Variants in PARVA observed in about 807,000 individuals in gnomAD.
PARVA encodes the protein alpha-parvin.
A neutral mutation model predicts 52.6 loss-of-function variants in PARVA; 25 were observed. The ratio of observed to expected loss-of-function variants is 0.48; its 90% CI spans 0.35 to 0.66. PARVA has a LOEUF of 0.66. Among genes scored for constraint, PARVA ranks in the 30% least tolerant of loss-of-function variants. The pLI is 0.01. For synonymous variants in PARVA, 185 were observed against 179.1 expected, an observed-to-expected ratio of 1.03 and a Z score of -0.26; for missense variants, 373 against 450.9, an observed-to-expected ratio of 0.83 and a Z score of 1.56.
In PARVA at chr11:12,476,942, C is replaced by A. The variant is rs1941021944; in HGVS notation, c.298-905C>A. Among the ~76,000 whole-genome samples the A allele has an allele frequency of 2.0e-5, 3 of 152,286 alleles. No individual in the cohort carries two copies. In the South Asian group the frequency reaches 6.2e-4, roughly 32 times the overall value. On this transcript the variant is annotated intron_variant, in intron 3 of 12. Coordinates refer to ENST00000334956, the MANE Select transcript of PARVA (RefSeq NM_018222.5). ...ATAAGAAATTGGAGAAATGTCAAAA[C>A]TGTAGTGGTTCCCCCAGGCCTGTGG... is the stretch of plus-strand genomic sequence containing the variant.
intron 1 of PARVA, among the ~76,000 whole-genome samples, chr11:12,430,883 T>C (rs1001856046): frequency 2.0e-5 from 3 of 152,282 alleles, no homozygotes; most frequent in Middle Eastern, 3.4e-3. Context: ...CCCTCAACCA[T>C]GCCACAACAA....
chr11:12,451,417 T>C (rs1246668758), intron 1 of PARVA, among the ~76,000 whole-genome samples: 1 of 152,096 alleles, frequency 6.6e-6, no homozygotes, highest in Non-Finnish European at 1.5e-5. Context: ...CCTAATGAAA[T>C]TTGATGACAC....
At position 12,424,150 on chromosome 11, in the gene PARVA, T is replaced by C. The variant is rs139795730; in HGVS notation, c.136+46367T>C. ...TATAATTGTATTATTTTTATCTCAC[T>C]AGATATTTATCTAGATATATAAATT... On this transcript the variant is annotated intron_variant, in intron 1 of 12. Coordinates refer to ENST00000334956, the MANE Select transcript of PARVA (RefSeq NM_018222.5). Among the ~76,000 whole-genome samples, 901 of 152,324 alleles carry C rather than the reference T, an allele frequency of 5.9e-3. 11 individuals carry two copies. Among genetic ancestry groups the C allele is most frequent in the African/African-American group, 0.02 (846 of 41,578 alleles).
At chr11:12,504,658 G>C (rs760775576) in intron 6 of PARVA, among the ~76,000 whole-genome samples, 6 of 152,044 alleles carry the variant, frequency 3.9e-5, no homozygotes, top group Non-Finnish European at 7.4e-5. Context: ...AGCTTTGTGT[G>C]GGGTATGTGC....
At chr11:12,428,591 T>C (rs954957409) in intron 1 of PARVA, among the ~76,000 whole-genome samples, 1 of 152,212 alleles carries the variant, frequency 6.6e-6, no homozygotes, top group South Asian at 2.1e-4. Flanking sequence ...TGGTCCTCAG[T>C]AAACTCTGGC....
At chr11:12,511,700 A>G in intron 8 of PARVA, among the ~76,000 whole-genome samples, 167 bp downstream of exon 8, 1 of 151,772 alleles carries the variant, frequency 6.6e-6, no homozygotes, top group East Asian at 1.9e-4. Flanking sequence ...ACTGGCGGGA[A>G]GAAGACTACC....
chr11:12,501,821 T>C (rs1001612249), intron 5 of PARVA, among the ~76,000 whole-genome samples: 5 of 152,226 alleles, frequency 3.3e-5, no homozygotes, highest in Non-Finnish European at 7.3e-5. Context: ...TATATGATGC[T>C]TATGGTATAG....
intron 4 of PARVA, among the ~76,000 whole-genome samples, chr11:12,492,448 A>G (rs1941245362): frequency 6.6e-6 from 1 of 152,182 alleles, no homozygotes; most frequent in African/African-American, 2.4e-5. Flanking sequence ...AGAAAACTTT[A>G]TGGAGCTAGC....
intron 1 of PARVA, among the ~76,000 whole-genome samples, chr11:12,397,791 C>A (rs1421448293): frequency 6.6e-6 from 1 of 151,564 alleles, no homozygotes; most frequent in Non-Finnish European, 1.5e-5. Context: ...ACTCCCAAGT[C>A]CCCTGCCCCC....
At chr11:12,405,747 A>G (rs919778189) in intron 1 of PARVA, among the ~76,000 whole-genome samples, 1 of 152,196 alleles carries the variant, frequency 6.6e-6, no homozygotes, top group African/African-American at 2.4e-5. Context: ...ACTTAAGGTC[A>G]GGAATTTGAG....
chr11:12,409,111 AT>A (rs1939955974), intron 1 of PARVA, among the ~76,000 whole-genome samples: 2 of 152,236 alleles, frequency 1.3e-5, no homozygotes, highest in African/African-American at 4.8e-5. Context: ...CTAAGGACAT[AT>A]GGAAAGTCAT....
intron 4 of PARVA, among the ~76,000 whole-genome samples, chr11:12,484,460 T>G (rs7101596): frequency 0.54 from 81,155 of 151,510 alleles, 22,824 homozygotes; most frequent in East Asian, 0.8. Flanking sequence ...AGACCAAAAG[T>G]TTCCCTGTGG....
chr11:12,449,355 C>T (rs1940593142), intron 1 of PARVA, among the ~76,000 whole-genome samples: 1 of 151,904 alleles, frequency 6.6e-6, no homozygotes, highest in Non-Finnish European at 1.5e-5. Flanking sequence ...CAGGGTTTTG[C>T]CATGTTGGAT....
chr11:12,456,588 C>T (rs1488147869), intron 1 of PARVA, among the ~76,000 whole-genome samples: 1 of 152,038 alleles, frequency 6.6e-6, no homozygotes, highest in Non-Finnish European at 1.5e-5. Context: ...CCTGACTTAA[C>T]TCTCTAAGGG....
intron 4 of PARVA, among the ~76,000 whole-genome samples, chr11:12,486,059 A>G (rs1228969932): frequency 6.6e-6 from 1 of 152,190 alleles, no homozygotes; most frequent in Non-Finnish European, 1.5e-5. Flanking sequence ...GTGAATCCAG[A>G]TAAGATATAG....
intron 6 of PARVA, among the ~76,000 whole-genome samples, chr11:12,506,701 C>A (rs1941435144): frequency 6.6e-6 from 1 of 152,182 alleles, no homozygotes; most frequent in African/African-American, 2.4e-5. Flanking sequence ...GGCATTAATG[C>A]ACATCAGGTT....
chr11:12,432,516 G>A lies in PARVA; in HGVS notation c.137-41229G>A, dbSNP rs369964582. ...TCTCCCAATGGCTCTGCCGTTAACC[G>A]TTCACCTCTTGTCTTTGTGAATCCA... On this transcript the variant is annotated intron_variant, in intron 1 of 12. Coordinates refer to ENST00000334956, the MANE Select transcript of PARVA (RefSeq NM_018222.5). Among the ~76,000 whole-genome samples, 5 of 152,312 alleles carry A rather than the reference G, an allele frequency of 3.3e-5. No homozygotes were observed. The South Asian group carries it at 6.2e-4, about 19-fold the overall frequency.
Position 12,518,492 on chromosome 11 carries a change from G to T in PARVA, c.1017G>T (p.Leu339Phe). ...FAFELMQDGG[L>F]EKPKPRPEDI... ...TTGAGCTCATGCAAGATGGAGGGTT[G>T]GAAAAGCCAAAACCGCGGCCAGAAG... Residue 339 changes from leucine to phenylalanine, a missense_variant, in exon 12 of 13, where the codon TTG becomes TTT. Physicochemically the swap from Leu to Phe is conservative, Grantham distance 22 (BLOSUM62 0). Coordinates refer to ENST00000334956, the MANE Select transcript of PARVA (RefSeq NM_018222.5). 1 of 1,613,672 alleles carries T rather than the reference G, an allele frequency of 6.2e-7. No homozygotes were observed. Among genetic ancestry groups the T allele is most frequent in the Non-Finnish European group, 8.5e-7 (1 of 1,179,720 alleles).
intron 1 of PARVA, among the ~76,000 whole-genome samples, chr11:12,417,529 G>A (rs1410988026): frequency 6.6e-6 from 1 of 152,106 alleles, no homozygotes; most frequent in African/African-American, 2.4e-5. Flanking sequence ...GGTAGGATTT[G>A]GAGTGATTTT....
Sources: gnomAD v4.1 joint callset for allele counts (sites outside exome capture counted in the v4.1 genomes callset) on GRCh38, gnomAD v4.1.1 for gene constraint, MANE v1.5 for transcripts, NCBI Gene and HGNC (gene_info 2026-07-23, HGNC 2026-07-21) for gene names.